The following SLCO1A2 variants were observed in gnomAD, a reference collection of about 807,000 sequenced individuals.
SLCO1A2 encodes solute carrier organic anion transporter family member 1A2.
A neutral mutation model predicts 69.0 loss-of-function variants in SLCO1A2; 67 were observed. That is an observed-to-expected ratio of 0.97 (90% CI 0.80 to 1.19). SLCO1A2 has a LOEUF of 1.19. Ranked by LOEUF, SLCO1A2 falls within the 50% of genes most tolerant of loss-of-function variation. The pLI is 0.00. For missense variants in SLCO1A2, 787 were observed against 793.7 expected, an observed-to-expected ratio of 0.99 and a Z score of 0.10; for synonymous variants, 260 against 265.9, an observed-to-expected ratio of 0.98 and a Z score of 0.22.
intron 1 of SLCO1A2, among the ~76,000 whole-genome samples, chr12:21,384,291 T>C (rs944495869): frequency 2.6e-5 from 4 of 152,140 alleles, no homozygotes; most frequent in Non-Finnish European, 4.4e-5. Context: ...GAAAATAGAA[T>C]AATGAAATTA....
At chr12:21,382,083 C>T (rs1370935121) in intron 1 of SLCO1A2, among the ~76,000 whole-genome samples, 3 of 152,166 alleles carry the variant, frequency 2.0e-5, no homozygotes, top group African/African-American at 7.2e-5. Context: ...AACCTAAGTG[C>T]CCATCAACTA....
At chr12:21,361,735 C>T (rs1382236427) in intron 2 of SLCO1A2, among the ~76,000 whole-genome samples, 1 of 152,056 alleles carries the variant, frequency 6.6e-6, no homozygotes, top group African/African-American at 2.4e-5. Context: ...GGCACAAGGA[C>T]TACGTGACGC....
chr12:21,309,465 A>T (rs1371619640), intron 4 of SLCO1A2, among the ~76,000 whole-genome samples: 2 of 152,180 alleles, frequency 1.3e-5, no homozygotes, highest in Non-Finnish European at 2.9e-5. Flanking sequence ...TTAGAACGGC[A>T]TAGGATTCTG....
At chr12:21,316,768 G>T (rs899776512) in intron 3 of SLCO1A2, among the ~76,000 whole-genome samples, 4 of 151,928 alleles carry the variant, frequency 2.6e-5, no homozygotes, top group Non-Finnish European at 5.9e-5. Flanking sequence ...TCTCTCTCTA[G>T]TTTTAGCAAA....
Position 21,269,768 on chromosome 12 carries a change from C to CTATT in SLCO1A2, c.1794-5_1794-2dup. 3.1e-6 allele frequency: 5 copies of CTATT among 1,602,494 alleles called. No homozygotes were observed. The highest frequency in any genetic ancestry group is 4.3e-6 in the Non-Finnish European group (5 of 1,174,422). On this transcript the variant is annotated splice_acceptor_variant, in intron 14 of 14. Coordinates refer to ENST00000683939, the MANE Select transcript of SLCO1A2 (RefSeq NM_001386879.1). LOFTEE classifies it high-confidence loss of function. ...TGCCGGCAATCCGAGGTAGATGTAT[C>CTATT]TATTTTTTTAAAAGTTAAAACATAT...
chr12:21,284,184 T>A (rs971180914), intron 12 of SLCO1A2, among the ~76,000 whole-genome samples: 1 of 151,962 alleles, frequency 6.6e-6, no homozygotes, highest in Non-Finnish European at 1.5e-5. Flanking sequence ...CAGCAATAGA[T>A]GAATGGATAA....
At chr12:21,369,887 T>C (rs1316363895) in intron 2 of SLCO1A2, among the ~76,000 whole-genome samples, 1 of 152,174 alleles carries the variant, frequency 6.6e-6, no homozygotes, top group Non-Finnish European at 1.5e-5. Flanking sequence ...CCACATACCT[T>C]CACTTTCATT....
At chr12:21,359,442 C>G (rs1565514714) in intron 2 of SLCO1A2, among the ~76,000 whole-genome samples, 1 of 152,004 alleles carries the variant, frequency 6.6e-6, no homozygotes, top group Non-Finnish European at 1.5e-5. Flanking sequence ...GCTAAAAGAA[C>G]CACAAATACT....
chr12:21,293,825 C>CA (rs530037511), intron 11 of SLCO1A2, 120 bp downstream of exon 11: 3 of 760,136 alleles, frequency 3.9e-6, no homozygotes, highest in African/African-American at 1.8e-5. Flanking sequence ...TTTCCACATA[C>CA]AAAAAAAGTA....
intron 2 of SLCO1A2, among the ~76,000 whole-genome samples, chr12:21,343,109 A>C (rs1391327120): frequency 6.6e-6 from 1 of 152,096 alleles, no homozygotes; most frequent in Non-Finnish European, 1.5e-5. Context: ...GTGGCACCAG[A>C]TGTGGAAAGG....
upstream of SLCO1A2, among the ~76,000 whole-genome samples, chr12:21,337,004 CGTT>C (rs1208404691): frequency 2.8e-4 from 42 of 152,118 alleles, no homozygotes; most frequent in Non-Finnish European, 5.4e-4. Flanking sequence ...CTCACACAAA[CGTT>C]GGATTTCTTC....
At chr12:21,402,357 TG>T (rs1941733718) in intron 1 of SLCO1A2, among the ~76,000 whole-genome samples, 1 of 152,006 alleles carries the variant, frequency 6.6e-6, no homozygotes, top group African/African-American at 2.4e-5. Context: ...TTGTATGAAC[TG>T]GGGTTTATAA....
At chr12:21,368,746 A>G (rs1030289059) in intron 2 of SLCO1A2, among the ~76,000 whole-genome samples, 1 of 152,162 alleles carries the variant, frequency 6.6e-6, no homozygotes, top group African/African-American at 2.4e-5. Flanking sequence ...TTTTATATAC[A>G]TTTGAAAGTT....
At chr12:21,318,485 G>T (rs1389277084) in intron 3 of SLCO1A2, among the ~76,000 whole-genome samples, 5 of 152,014 alleles carry the variant, frequency 3.3e-5, no homozygotes, top group Non-Finnish European at 7.4e-5. Flanking sequence ...GTTATCAAAT[G>T]ATATTTAAAT....
chr12:21,411,791 C>G (rs1941911087), intron 1 of SLCO1A2, among the ~76,000 whole-genome samples: 1 of 151,980 alleles, frequency 6.6e-6, no homozygotes, highest in Non-Finnish European at 1.5e-5. Context: ...TCAGGTGATC[C>G]TCTCACCTCA....
chr12:21,357,040 G>A (rs957868325), intron 2 of SLCO1A2, among the ~76,000 whole-genome samples: 1 of 151,570 alleles, frequency 6.6e-6, no homozygotes, highest in Non-Finnish European at 1.5e-5. Flanking sequence ...AAAGATTTAC[G>A]AACAAAATCT....
In SLCO1A2 at chr12:21,269,366, A is replaced by AACTC. The variant is rs1942388920; in HGVS notation, c.*178_*181dup. 2.2e-6 allele frequency: 1 copy of AACTC among 464,570 alleles called. No homozygotes were observed. The highest frequency in any genetic ancestry group is 3.8e-6 in the Non-Finnish European group (1 of 265,026). 28.8% of individuals were successfully genotyped at this position (464,570 alleles called of 1,614,324 possible). On this transcript the variant is annotated 3_prime_UTR_variant, in exon 15 of 15. Transcript: ENST00000683939. ...CTGTTATTGATGTCCCTCCTAGGAA[A>AACTC]ACTCAAGTGTCACTGATACCTTAGA...
At chr12:21,280,508 G>GATTA (rs1259656115) in intron 12 of SLCO1A2, among the ~76,000 whole-genome samples, 1 of 151,930 alleles carries the variant, frequency 6.6e-6, no homozygotes, top group South Asian at 2.1e-4. Flanking sequence ...AGGATAAAAG[G>GATTA]ATTAATTAAG....
chr12:21,353,268 A>C (rs1157655176), intron 2 of SLCO1A2, among the ~76,000 whole-genome samples: 1 of 152,158 alleles, frequency 6.6e-6, no homozygotes, highest in Non-Finnish European at 1.5e-5. Context: ...ATTCAAACAT[A>C]AACAACAGAA....
Sources: allele counts gnomAD v4.1 joint callset (sites outside exome capture counted in the v4.1 genomes callset), GRCh38; gene constraint gnomAD v4.1.1; transcripts MANE v1.5; gene names NCBI Gene and HGNC (gene_info 2026-07-23, HGNC 2026-07-21).